The following ANKRD46 variants were observed in gnomAD, a reference collection of about 807,000 sequenced individuals.
The protein encoded by ANKRD46 is ankyrin repeat domain-containing protein 46.
ANKRD46 carries 13 observed loss-of-function variants against 19.8 expected under a neutral mutation model. The observed-to-expected ratio is 0.66, with a 90% CI of 0.43 to 1.04. The LOEUF is 1.04. Among genes scored for constraint, ANKRD46 ranks in the 50% least tolerant of loss-of-function variants. The pLI is 0.00. For synonymous variants in ANKRD46, 91 were observed against 106.9 expected (o/e 0.85, Z 0.92); for missense variants, 185 against 274.8 (o/e 0.67, Z 2.31).
chr8:100,531,680 G>A (rs1811966045), intron 2 of ANKRD46, among the ~76,000 whole-genome samples: 1 of 152,064 alleles, frequency 6.6e-6, no homozygotes, highest in African/African-American at 2.4e-5. Flanking sequence ...TTCTTGCTCT[G>A]TCACCCAGGC....
rs1422087896 is a variant in ANKRD46 at position 100,532,817 on chromosome 8, A to G, written c.-28+392T>C. Among the ~76,000 whole-genome samples the G allele has an allele frequency of 6.6e-6, 1 of 152,254 alleles. No homozygotes were observed. The highest frequency in any genetic ancestry group is 2.4e-5 in the African/African-American group (1 of 41,460). On this transcript the variant is annotated intron_variant, in intron 2 of 4. Transcript: ENST00000335659. This position sits in a 1 kb window ranked among gnomAD's most constrained non-coding sequence, Gnocchi z 4.7. ...ATTGAATCATAAAAATGGAAAAGCT[A>G]TCATAAACCTTTTTCAAAATGAAAT...
chr8:100,551,456 C>T, intron 1 of ANKRD46: 1 of 675,734 alleles, frequency 1.5e-6, no homozygotes, highest in South Asian at 1.4e-5. Context: ...AGCATCACCC[C>T]ATTTGATTTT....
rs1208075652 is a variant in ANKRD46 at position 100,510,411 on chromosome 8, G to C, written c.*166C>G. 1 of 565,772 alleles carries C rather than the reference G, an allele frequency of 1.8e-6. No individual in the cohort carries two copies. Among genetic ancestry groups the C allele is most frequent in the Admixed American group, 3.2e-5 (1 of 31,338 alleles). 35.0% of individuals were successfully genotyped at this position (565,772 alleles called of 1,614,324 possible). A position where few individuals can be genotyped will look rare whatever the true frequency, so the allele number is the denominator to read the frequency against. On this transcript the variant is annotated 3_prime_UTR_variant, in exon 6 of 6. Coordinates refer to the ANKRD46 transcript ENST00000520552. The surrounding 1 kb of genome is among the most constrained non-coding windows in gnomAD (Gnocchi z 4.9). Reference sequence around the variant, plus strand: ...CTGCAGGGCAGGACTGGAGAGGAGGGGACAGGTGGTAGCAGGTCCCTCTGC... The same window carrying C: ...CTGCAGGGCAGGACTGGAGAGGAGGCGACAGGTGGTAGCAGGTCCCTCTGC...
chr8:100,519,237 A>T (rs1346337641), downstream of ANKRD46, among the ~76,000 whole-genome samples: 1 of 152,228 alleles, frequency 6.6e-6, no homozygotes, highest in Admixed American at 6.5e-5. Flanking sequence ...GGGGTACATG[A>T]TATCATGTCA....
Position 100,546,890 on chromosome 8 carries a change from C to T in ANKRD46, c.-131+12821G>A. 6.6e-6 allele frequency among the ~76,000 whole-genome samples: 1 copy of T among 152,228 alleles called. No homozygotes were observed. The highest frequency in any genetic ancestry group is 1.9e-4 in the East Asian group (1 of 5,202). Reference sequence around the variant, plus strand: ...AGTTTAAGATTCAATGACTGCCTGGCTGGGTTTCAGACTTGCATGAGGCCT... The same window carrying T: ...AGTTTAAGATTCAATGACTGCCTGGTTGGGTTTCAGACTTGCATGAGGCCT... On this transcript the variant is annotated intron_variant, in intron 1 of 4. Coordinates refer to ENST00000335659, the MANE Select transcript of ANKRD46 (RefSeq NM_001270377.2). This position sits in a 1 kb window ranked among gnomAD's most constrained non-coding sequence, Gnocchi z 4.0.
At chr8:100,539,122 C>T (rs1208309947) in intron 1 of ANKRD46, among the ~76,000 whole-genome samples, 1 of 152,142 alleles carries the variant, frequency 6.6e-6, no homozygotes, top group African/African-American at 2.4e-5. Context: ...TTTCTTTGCT[C>T]ACTGCAAAAC....
At chr8:100,513,566 T>C (rs1381207054) in intron 5 of ANKRD46, among the ~76,000 whole-genome samples, 1 of 152,224 alleles carries the variant, frequency 6.6e-6, no homozygotes, top group East Asian at 1.9e-4. Context: ...CGTGTTTTCT[T>C]GTATAACCAC....
chr8:100,516,510 T>C (rs1173366953), downstream of ANKRD46, among the ~76,000 whole-genome samples: 1 of 152,072 alleles, frequency 6.6e-6, no homozygotes, highest in African/African-American at 2.4e-5. Context: ...CACCCCCCCA[T>C]CATAATCTAA....
At chr8:100,553,681 G>C (rs1015436967) in intron 1 of ANKRD46, among the ~76,000 whole-genome samples, 11 of 152,080 alleles carry the variant, frequency 7.2e-5, no homozygotes, top group African/African-American at 2.7e-4. Flanking sequence ...CCCAGGAGGC[G>C]GAAGCTACAG....
intron 2 of ANKRD46, 83 bp downstream of exon 2, chr8:100,533,126 T>G (rs1466172856): frequency 6.6e-6 from 1 of 152,270 alleles, no homozygotes; most frequent in African/African-American, 2.4e-5. Flanking sequence ...TTTTTCATCT[T>G]GATCACAGAA....
At chr8:100,513,253 G>A (rs187874183) in intron 5 of ANKRD46, among the ~76,000 whole-genome samples, 316 of 152,230 alleles carry the variant, frequency 2.1e-3, no homozygotes, top group African/African-American at 7.5e-3. Flanking sequence ...CGGCATAATA[G>A]TTGAGCACAA....
In ANKRD46 at chr8:100,529,957, C is replaced by T. The variant is rs1464860865; in HGVS notation, c.-27-97G>A. 2 of 859,044 alleles carry T rather than the reference C, an allele frequency of 2.3e-6. No homozygotes were observed. The highest frequency in any genetic ancestry group is 1.7e-5 in the African/African-American group (1 of 58,310). 53.2% of individuals were successfully genotyped at this position (859,044 alleles called of 1,614,324 possible). On this transcript the variant is annotated intron_variant, in intron 2 of 4. Transcript: ENST00000335659. The surrounding 1 kb of genome is among the most constrained non-coding windows in gnomAD (Gnocchi z 5.8). ...CAATATTTCTCATCCTTTTTGGCCTCCTGCCTCTAATAAATAAATGACCAA... is the reference window on the plus strand; with the variant it reads ...CAATATTTCTCATCCTTTTTGGCCTTCTGCCTCTAATAAATAAATGACCAA...
At chr8:100,517,676 C>A (rs1018649868), downstream of ANKRD46, among the ~76,000 whole-genome samples, 15 of 152,190 alleles carry the variant, frequency 9.9e-5, no homozygotes, top group African/African-American at 1.4e-4. Flanking sequence ...AGGCCAAGAT[C>A]CCCCCTTAGA....
rs1812533986 is a variant in ANKRD46, at chr8:100,557,975, C to T, written c.-131+1736G>A. ...TCCCGCTTATCGTCCCCAACCCCAC[C>T]TTCCTCCAGTGACATGTTAGCTCCT... On this transcript the variant is annotated intron_variant, in intron 1 of 4. Transcript: ENST00000335659. This position sits in a 1 kb window ranked among gnomAD's most constrained non-coding sequence, Gnocchi z 5.9. Among the ~76,000 whole-genome samples the T allele has an allele frequency of 6.6e-6, 1 of 152,208 alleles. No homozygotes were observed. The highest frequency in any genetic ancestry group is 6.5e-5 in the Admixed American group (1 of 15,280).
intron 3 of ANKRD46, among the ~76,000 whole-genome samples, chr8:100,528,533 T>TA (rs1811890317): frequency 6.6e-6 from 1 of 151,192 alleles, no homozygotes; most frequent in African/African-American, 2.4e-5. Context: ...TTTTTTTTTT[T>TA]TACTTCCAGG....
chr8:100,515,881 T>G (rs1414503109), downstream of ANKRD46, among the ~76,000 whole-genome samples: 1 of 151,906 alleles, frequency 6.6e-6, no homozygotes, highest in Admixed American at 6.5e-5. Flanking sequence ...TTTGTTTTTT[T>G]TTTTTTTGAG....
chr8:100,510,863 T>C lies in ANKRD46; in HGVS notation c.637-224A>G, dbSNP rs1231960332. Among the ~76,000 whole-genome samples, 1 of 152,174 alleles carries C rather than the reference T, an allele frequency of 6.6e-6. No homozygotes were observed. The highest frequency in any genetic ancestry group is 1.5e-5 in the Non-Finnish European group (1 of 68,034). On this transcript the variant is annotated intron_variant, in intron 5 of 5. Transcript: ENST00000520552. The surrounding 1 kb of genome is among the most constrained non-coding windows in gnomAD (Gnocchi z 4.9). ...GAAGGCTGGGAAGATTGGCAAGGAC[T>C]GTGTTCAATGTCCTCTCGAGCTAAT...
Position 100,557,723 on chromosome 8 carries a change from G to C in ANKRD46, c.-131+1988C>G, listed in dbSNP as rs1318451548. Among the ~76,000 whole-genome samples the C allele has an allele frequency of 6.6e-6, 1 of 152,028 alleles. No individual in the cohort carries two copies. The highest frequency in any genetic ancestry group is 6.5e-5 in the Admixed American group (1 of 15,268). ...TCCTCTCTTGCTGTCCCTCTAACAA[G>C]ACTGAAGGGTTCTGGGCTTTTGCCC... On this transcript the variant is annotated intron_variant, in intron 1 of 4. Coordinates refer to ENST00000335659, the MANE Select transcript of ANKRD46 (RefSeq NM_001270377.2). The surrounding 1 kb of genome is among the most constrained non-coding windows in gnomAD (Gnocchi z 5.9).
chr8:100,539,796 C>T (rs560176611), intron 1 of ANKRD46, among the ~76,000 whole-genome samples: 2 of 152,280 alleles, frequency 1.3e-5, no homozygotes, highest in Non-Finnish European at 1.5e-5. Context: ...TACCTATAAT[C>T]CCAGCACTTT....
Sources: allele counts gnomAD v4.1 joint callset (sites outside exome capture counted in the v4.1 genomes callset), GRCh38; gene constraint gnomAD v4.1.1; non-coding constraint Gnocchi (gnomAD v3.1); transcripts MANE v1.5; gene names NCBI Gene and HGNC (gene_info 2026-07-23, HGNC 2026-07-21).